TSHZ2: variants seen among roughly 807,000 people sequenced by gnomAD.
TSHZ2 encodes teashirt zinc finger homeobox 2.
A neutral mutation model predicts 74.4 loss-of-function variants in TSHZ2; 21 were observed. The ratio of observed to expected loss-of-function variants is 0.28; its 90% CI spans 0.20 to 0.41. The LOEUF is 0.41. Ranked by LOEUF, TSHZ2 falls within the 10% of genes least tolerant of loss-of-function variation. The pLI, the probability that TSHZ2 is intolerant of heterozygous loss-of-function variation, is 1.00. For synonymous variants in TSHZ2, 540 were observed against 515.3 expected (o/e 1.05, Z -0.65); for missense variants, 1,244 against 1,293.5 (o/e 0.96, Z 0.59).
intron 2 of TSHZ2, among the ~76,000 whole-genome samples, chr20:53,470,465 C>T (rs1158585261): frequency 1.3e-5 from 2 of 152,162 alleles, no homozygotes; most frequent in African/African-American, 4.8e-5. Context: ...AGGATTACAC[C>T]GCTAAGCATC....
intron 2 of TSHZ2, among the ~76,000 whole-genome samples, chr20:53,440,025 T>C (rs773617304): frequency 2.6e-5 from 4 of 152,226 alleles, no homozygotes; most frequent in Non-Finnish European, 5.9e-5. Context: ...TCAAAGCTAA[T>C]TTAAAATTTA....
chr20:53,012,722 A>C (rs1374095843), intron 1 of TSHZ2, among the ~76,000 whole-genome samples: 2 of 152,098 alleles, frequency 1.3e-5, no homozygotes, highest in Non-Finnish European at 2.9e-5. Context: ...GCACAGATGC[A>C]CTGACACAGG....
At chr20:53,292,884 T>C (rs1436971554) in intron 2 of TSHZ2, among the ~76,000 whole-genome samples, 1 of 152,130 alleles carries the variant, frequency 6.6e-6, no homozygotes, top group Non-Finnish European at 1.5e-5. Flanking sequence ...ATCCAGTGAG[T>C]AGCAAGGCTC....
chr20:53,390,282 A>G (rs1211625406), intron 2 of TSHZ2, among the ~76,000 whole-genome samples: 1 of 152,136 alleles, frequency 6.6e-6, no homozygotes, highest in Non-Finnish European at 1.5e-5. Context: ...ATTTATTTGG[A>G]TGTCTCGCAG....
chr20:53,362,743 C>T (rs113472637), intron 2 of TSHZ2, among the ~76,000 whole-genome samples: 2 of 152,152 alleles, frequency 1.3e-5, no homozygotes, highest in South Asian at 2.1e-4. Flanking sequence ...TATGTCATGC[C>T]GAAGTATTTA....
intron 1 of TSHZ2, among the ~76,000 whole-genome samples, chr20:52,977,577 G>T (rs984713972): frequency 2.0e-5 from 3 of 151,852 alleles, no homozygotes; most frequent in African/African-American, 7.3e-5. Flanking sequence ...CCTTGAAATC[G>T]CTTGGTCCAC....
At chr20:53,251,690 C>T (rs1290756484) in intron 1 of TSHZ2, among the ~76,000 whole-genome samples, 2 of 152,208 alleles carry the variant, frequency 1.3e-5, no homozygotes, top group East Asian at 3.8e-4. Context: ...CCATAAAACT[C>T]ATGGCTAGAC....
intron 2 of TSHZ2, among the ~76,000 whole-genome samples, chr20:53,331,345 AG>A (rs1432016735): frequency 6.6e-6 from 1 of 152,228 alleles, no homozygotes; most frequent in Non-Finnish European, 1.5e-5. Context: ...CCTGGACACC[AG>A]AGGGTGTGCC....
intron 1 of TSHZ2, among the ~76,000 whole-genome samples, chr20:52,980,427 GAA>G (rs113944689): frequency 8.3e-6 from 1 of 119,814 alleles, no homozygotes; most frequent in Admixed American, 8.4e-5. Context: ...TGGGTTTGAA[GAA>G]AAAAAAAAAA....
chr20:53,011,469 A>G (rs1379935650), intron 1 of TSHZ2, among the ~76,000 whole-genome samples: 1 of 152,238 alleles, frequency 6.6e-6, no homozygotes, highest in Non-Finnish European at 1.5e-5. Flanking sequence ...TGATTACATT[A>G]CTAATAAAAA....
intron 1 of TSHZ2, among the ~76,000 whole-genome samples, chr20:53,172,261 A>G (rs1307716517): frequency 6.6e-6 from 1 of 152,246 alleles, no homozygotes; most frequent in East Asian, 1.9e-4. Context: ...TTCCAAGTAT[A>G]TGCTACATGT....
chr20:53,299,937 G>A lies in TSHZ2; in HGVS notation c.*8+43366G>A, dbSNP rs193277169. ...TTAAAAAGTAAAATAAAATAAAAAA[G>A]TAAAACTTCAGCACGTTTTTCCTCT... On this transcript the variant is annotated intron_variant, in intron 2 of 2. Coordinates refer to ENST00000371497, the MANE Select transcript of TSHZ2 (RefSeq NM_173485.6). Among the ~76,000 whole-genome samples the A allele has an allele frequency of 8.3e-3, 1,270 of 152,276 alleles. 7 individuals are homozygous for A. The highest frequency in any genetic ancestry group is 0.013 in the Non-Finnish European group (894 of 68,006).
intron 2 of TSHZ2, among the ~76,000 whole-genome samples, chr20:53,316,254 G>T (rs751890421): frequency 1.3e-5 from 2 of 152,210 alleles, no homozygotes; most frequent in African/African-American, 2.4e-5. Context: ...CATTGTTGTT[G>T]AGCTTGTAAA....
At chr20:53,084,738 C>T (rs1985646209) in intron 1 of TSHZ2, among the ~76,000 whole-genome samples, 2 of 131,268 alleles carry the variant, frequency 1.5e-5, no homozygotes, top group African/African-American at 2.8e-5. Flanking sequence ...TTCCTTCCTT[C>T]CTTCTTTGGT....
intron 2 of TSHZ2, among the ~76,000 whole-genome samples, chr20:53,344,429 C>T (rs1980354391): frequency 6.6e-6 from 1 of 152,180 alleles, no homozygotes; most frequent in Admixed American, 6.5e-5. Context: ...ATACTGTCTG[C>T]TTGGCCACTG....
At chr20:53,362,192 G>GTTTT (rs57935374) in intron 2 of TSHZ2, among the ~76,000 whole-genome samples, 5 of 145,432 alleles carry the variant, frequency 3.4e-5, no homozygotes, top group African/African-American at 7.6e-5. Flanking sequence ...TTGTTTTTTT[G>GTTTT]TTTTTTTTTT....
chr20:53,462,569 A>C (rs1985414358), intron 2 of TSHZ2, among the ~76,000 whole-genome samples: 1 of 152,216 alleles, frequency 6.6e-6, no homozygotes, highest in Non-Finnish European at 1.5e-5. Context: ...CCTTCTACGC[A>C]AGCTTCCCAT....
chr20:53,032,348 C>T (rs1454257561), intron 1 of TSHZ2, among the ~76,000 whole-genome samples: 2 of 152,224 alleles, frequency 1.3e-5, no homozygotes, highest in Non-Finnish European at 2.9e-5. Flanking sequence ...CCCCCATAAC[C>T]TTCAGGAGCA....
At chr20:53,298,174 A>G (rs1412406923) in intron 2 of TSHZ2, among the ~76,000 whole-genome samples, 3 of 152,244 alleles carry the variant, frequency 2.0e-5, no homozygotes, top group Non-Finnish European at 4.4e-5. Context: ...ATAAATATTC[A>G]TTGAAAACCC....
Sources: allele counts gnomAD v4.1 joint callset (sites outside exome capture counted in the v4.1 genomes callset), GRCh38; gene constraint gnomAD v4.1.1; transcripts MANE v1.5; gene names NCBI Gene and HGNC (gene_info 2026-07-23, HGNC 2026-07-21).